Variants in WDR25 observed in about 807,000 individuals in gnomAD.
WDR25 encodes WD repeat-containing protein 25.
A neutral mutation model predicts 47.7 loss-of-function variants in WDR25; 35 were observed. That is an observed-to-expected ratio of 0.73 (90% CI 0.56 to 0.97). The LOEUF (loss-of-function observed/expected upper bound fraction) is 0.97, where lower values mean the gene tolerates loss of function less well. Among genes scored for constraint, WDR25 ranks in the 50% least tolerant of loss-of-function variants. The pLI is 0.00. For missense variants in WDR25, 634 were observed against 704.7 expected (o/e 0.90, Z 1.14); for synonymous variants, 248 against 278.9 (o/e 0.89, Z 1.10).
chr14:100,413,873 C>G (rs1485995634), intron 2 of WDR25, among the ~76,000 whole-genome samples: 2 of 152,338 alleles, frequency 1.3e-5, no homozygotes, highest in East Asian at 3.9e-4. Context: ...CATCCACGTT[C>G]AGCCATTTAT....
chr14:100,485,628 G>C (rs1169738125), intron 4 of WDR25, among the ~76,000 whole-genome samples: 2 of 152,196 alleles, frequency 1.3e-5, no homozygotes, highest in African/African-American at 4.8e-5. Flanking sequence ...GGGAGCCACG[G>C]GAGGTTTGTG....
intron 4 of WDR25, among the ~76,000 whole-genome samples, chr14:100,524,725 G>A (rs961698752): frequency 6.6e-6 from 1 of 152,130 alleles, no homozygotes; most frequent in Non-Finnish European, 1.5e-5. Context: ...CAGGGAAGCC[G>A]TGGAGGTCGG....
intron 4 of WDR25, among the ~76,000 whole-genome samples, chr14:100,491,099 C>T (rs561374120): frequency 6.6e-6 from 1 of 152,198 alleles, no homozygotes; most frequent in Non-Finnish European, 1.5e-5. Context: ...CTTTCAGCAG[C>T]CAGTGCTGAC....
At chr14:100,475,051 T>C (rs1566928163) in intron 3 of WDR25, among the ~76,000 whole-genome samples, 1 of 152,192 alleles carries the variant, frequency 6.6e-6, no homozygotes, top group Non-Finnish European at 1.5e-5. Flanking sequence ...GCTCAACATC[T>C]GTAATCATGG....
At position 100,404,968 on chromosome 14, in the gene WDR25, C is replaced by G. The variant is rs1473421352; in HGVS notation, c.822+23222C>G. Among the ~76,000 whole-genome samples the G allele has an allele frequency of 6.6e-6, 1 of 152,166 alleles. No individual in the cohort carries two copies. The highest frequency in any genetic ancestry group is 1.5e-5 in the Non-Finnish European group (1 of 68,024). On this transcript the variant is annotated intron_variant, in intron 2 of 6. Transcript: ENST00000402312. The surrounding 1 kb of genome is among the most constrained non-coding windows in gnomAD (Gnocchi z 4.6). ...CCTTGTGTCCCCATGCTAGTTCTGT[C>G]TTTCCTGTGCTCGCAGAATCTGTCT...
chr14:100,492,773 C>A (rs1003418627), intron 4 of WDR25, among the ~76,000 whole-genome samples: 2 of 152,078 alleles, frequency 1.3e-5, no homozygotes, highest in African/African-American at 4.8e-5. Context: ...AAGTCATGGG[C>A]TTGATGCCTT....
Position 100,529,212 on chromosome 14 carries a change from C to T in WDR25, c.1413+4C>T. On this transcript the variant is annotated splice_donor_region_variant and intron_variant, in intron 6 of 6. Coordinates refer to ENST00000402312, the MANE Select transcript of WDR25 (RefSeq NM_001161476.3). This position sits in a 1 kb window ranked among gnomAD's most constrained non-coding sequence, Gnocchi z 5.1. ...GCGGCGCTATGAAGGGCACAAGGTA[C>T]TTCTGTCCTTGTCCCCCAGGCGAAT... 6.2e-7 allele frequency: 1 copy of T among 1,613,286 alleles called. No individual in the cohort carries two copies. Among genetic ancestry groups the T allele is most frequent in the South Asian group, 1.1e-5 (1 of 91,072 alleles).
chr14:100,529,931 T>C lies in WDR25; in HGVS notation c.1525T>C (p.Cys509Arg), dbSNP rs748079574. The change falls in exon 7 of 7, where the codon TGC (cysteine) becomes CGC (arginine). Residue 509 changes from cysteine (C) to arginine (R), a missense_variant. Physicochemically the swap from Cys to Arg is radical, Grantham distance 180. Coordinates refer to ENST00000402312, the MANE Select transcript of WDR25 (RefSeq NM_001161476.3). This position sits in a 1 kb window ranked among gnomAD's most constrained non-coding sequence, Gnocchi z 5.1. ...CAGCTTCCGCACAGCCAGCCGAGCA[T>C]GCACACTGCAGGGGCACACACAGGC... is the stretch of plus-strand genomic sequence containing the variant. ...MYSFRTASRA[C>R]TLQGHTQACV... 1.4e-5 allele frequency: 23 copies of C among 1,613,554 alleles called. No homozygotes were observed. In the South Asian group the frequency reaches 2.3e-4, roughly 16 times the overall value.
chr14:100,529,901 A>T lies in WDR25; in HGVS notation c.1495A>T (p.Met499Leu). ...VTGSADGRVL[M>L]YSFRTASRAC... ...GGGCAGCGCCGATGGCCGGGTCCTG[A>T]TGTACAGCTTCCGCACAGCCAGCCG... The change falls in exon 7 of 7, where the codon ATG becomes TTG. Residue 499 changes from methionine to leucine, a missense_variant. Physicochemically the swap from Met to Leu is conservative, Grantham distance 15 (BLOSUM62 2). Transcript: ENST00000402312. This position sits in a 1 kb window ranked among gnomAD's most constrained non-coding sequence, Gnocchi z 5.1. The T allele has an allele frequency of 6.2e-7, 1 of 1,613,328 alleles. No individual in the cohort carries two copies. The highest frequency in any genetic ancestry group is 8.5e-7 in the Non-Finnish European group (1 of 1,180,016).
chr14:100,376,643 A>G, intron 1 of WDR25, 148 bp downstream of exon 1: 1 of 1,231,752 alleles, frequency 8.1e-7, no homozygotes, highest in Non-Finnish European at 1.0e-6. Context: ...CCTTGGACCA[A>G]CCTTACTTCT....
In WDR25 at chr14:100,514,183, G is replaced by A. The variant is rs376032423; in HGVS notation, c.1102-11687G>A. ...GATCTCCTGACCTCGTGATCCGCCC[G>A]CCTCGGCCTCCCAAAGTGCTGGGAT... On this transcript the variant is annotated intron_variant, in intron 4 of 6. Transcript: ENST00000402312. 4.6e-5 allele frequency among the ~76,000 whole-genome samples: 7 copies of A among 152,014 alleles called. No homozygotes were observed. The East Asian group carries it at 5.8e-4, about 13-fold the overall frequency.
chr14:100,463,051 CTTTCACCCCTT>C (rs1899479067), intron 2 of WDR25, among the ~76,000 whole-genome samples: 4 of 133,112 alleles, frequency 3.0e-5, no homozygotes, highest in Admixed American at 7.7e-5. Context: ...TTCTCTTCTT[CTTTCACCCCTT>C]CCTCTCCCCC....
Position 100,406,217 on chromosome 14 carries a change from T to C in WDR25, c.822+24471T>C, listed in dbSNP as rs551623403. Among the ~76,000 whole-genome samples the C allele has an allele frequency of 8.5e-5, 13 of 152,298 alleles. No homozygotes were observed. In the South Asian group the frequency reaches 2.7e-3, roughly 32 times the overall value. On this transcript the variant is annotated intron_variant, in intron 2 of 6. Transcript: ENST00000402312. ...GTCTCAGCACTGGGACCTGGAGCAG[T>C]CGGCTTCGGAGGCCCGTTGGACTGT...
intron 5 of WDR25, among the ~76,000 whole-genome samples, chr14:100,526,739 C>G (rs1298432779): frequency 6.6e-6 from 1 of 151,006 alleles, no homozygotes; most frequent in Non-Finnish European, 1.5e-5. Flanking sequence ...TGTCTATAGC[C>G]ACCACAACCA....
chr14:100,396,099 C>A (rs996453100), intron 2 of WDR25, among the ~76,000 whole-genome samples: 1 of 151,596 alleles, frequency 6.6e-6, no homozygotes, highest in Non-Finnish European at 1.5e-5. Flanking sequence ...GCCTCAGCCT[C>A]CCGAGGAGCT....
intron 4 of WDR25, among the ~76,000 whole-genome samples, chr14:100,501,733 A>G (rs918109593): frequency 6.6e-6 from 1 of 152,208 alleles, no homozygotes; most frequent in Non-Finnish European, 1.5e-5. Context: ...CCACATGGCA[A>G]CAAGCCAGTA....
rs1407179019 is a variant in WDR25, at chr14:100,521,230, TTATA to T, written c.1102-4635_1102-4632del. On this transcript the variant is annotated intron_variant, in intron 4 of 6. Coordinates refer to ENST00000402312, the MANE Select transcript of WDR25 (RefSeq NM_001161476.3). ...GAGAGAGAGAGAGACAGAGAGAGAA[TTATA>T]TATAACAGTGACTACATATGGCCTA... Among the ~76,000 whole-genome samples, 6 of 149,776 alleles carry T rather than the reference TTATA, an allele frequency of 4.0e-5. No individual in the cohort carries two copies. In the East Asian group the frequency reaches 1.2e-3, roughly 29 times the overall value.
intron 2 of WDR25, among the ~76,000 whole-genome samples, chr14:100,464,864 C>A (rs1283140735): frequency 1.3e-5 from 2 of 150,090 alleles, no homozygotes; most frequent in African/African-American, 2.5e-5. Flanking sequence ...ATCTACTCTC[C>A]CCTACCCCAT....
intron 4 of WDR25, among the ~76,000 whole-genome samples, chr14:100,507,516 T>C (rs1286063468): frequency 6.6e-6 from 1 of 152,214 alleles, no homozygotes; most frequent in African/African-American, 2.4e-5. Context: ...TTAATGATAT[T>C]GATTCTTCGA....
Sources: gnomAD v4.1 joint callset for allele counts (sites outside exome capture counted in the v4.1 genomes callset) on GRCh38, gnomAD v4.1.1 for gene constraint, Gnocchi (gnomAD v3.1) non-coding constraint, MANE v1.5 for transcripts, NCBI Gene and HGNC (gene_info 2026-07-23, HGNC 2026-07-21) for gene names.